LARP1B: variants seen among roughly 807,000 people sequenced by gnomAD.
LARP1B encodes La ribonucleoprotein 1B.
A neutral mutation model predicts 114.2 loss-of-function variants in LARP1B; 76 were observed. The observed-to-expected ratio is 0.67, with a 90% CI of 0.55 to 0.81. The LOEUF is 0.81. Ranked by LOEUF, LARP1B falls within the 30% of genes least tolerant of loss-of-function variation. The pLI, the probability that LARP1B is intolerant of heterozygous loss-of-function variation, is 0.00. For missense variants in LARP1B, 1,014 were observed against 1,075.8 expected (o/e 0.94, Z 0.80); for synonymous variants, 345 against 348.0 (o/e 0.99, Z 0.10).
At chr4:128,199,305 T>C (rs1221003279) in intron 15 of LARP1B, 134 bp from the exon 16 acceptor site, 2 of 514,312 alleles carry the variant, frequency 3.9e-6, no homozygotes, top group African/African-American at 3.9e-5. Flanking sequence ...ATGTCATTAA[T>C]TTAGGAGAGT....
chr4:128,135,242 A>G (rs1441109900), intron 11 of LARP1B, among the ~76,000 whole-genome samples: 1 of 152,292 alleles, frequency 6.6e-6, no homozygotes, highest in South Asian at 2.1e-4. Context: ...ACTGATTAGG[A>G]TGGTTACCAT....
At chr4:128,061,062 G>A (rs942762383), upstream of LARP1B, among the ~76,000 whole-genome samples, 54 of 152,080 alleles carry the variant, frequency 3.6e-4, no homozygotes, top group African/African-American at 1.3e-3. Context: ...CTCCGCCCCT[G>A]AGCCTGCAGT....
At chr4:128,176,528 A>G (rs1581312942) in intron 12 of LARP1B, among the ~76,000 whole-genome samples, 1 of 151,890 alleles carries the variant, frequency 6.6e-6, no homozygotes, top group South Asian at 2.1e-4. Flanking sequence ...TGCTGACCTC[A>G]TGTGATCTAC....
intron 1 of LARP1B, among the ~76,000 whole-genome samples, chr4:128,073,585 T>TGTTG (rs1561056685): frequency 3.7e-5 from 1 of 26,988 alleles, no homozygotes; most frequent in African/African-American, 1.3e-4. Context: ...TTTTTTTTTT[T>TGTTG]TTTTTTTTTT....
upstream of LARP1B, among the ~76,000 whole-genome samples, chr4:128,060,797 C>G (rs1490795420): frequency 6.6e-6 from 1 of 152,222 alleles, no homozygotes; most frequent in Non-Finnish European, 1.5e-5. Context: ...GCAACTTTCA[C>G]CTGGGGGAGG....
chr4:128,115,201 G>C (rs1785387530), intron 10 of LARP1B, among the ~76,000 whole-genome samples: 1 of 152,194 alleles, frequency 6.6e-6, no homozygotes, highest in Admixed American at 6.5e-5. Context: ...CTCCCAAAGT[G>C]CTGGGATTAG....
At chr4:128,162,169 A>C (rs1482828701) in intron 11 of LARP1B, 25 bp from the exon 12 acceptor site, 1 of 1,608,014 alleles carries the variant, frequency 6.2e-7, no homozygotes, top group Non-Finnish European at 8.5e-7. Flanking sequence ...CAGTTTAGTA[A>C]TTAGATTCCT....
At chr4:128,068,907 T>C in intron 1 of LARP1B, 1 of 463,798 alleles carries the variant, frequency 2.2e-6, no homozygotes, top group Non-Finnish European at 3.9e-6. Context: ...GACAAAGCAT[T>C]CATGAAGCAG....
chr4:128,179,480 C>G lies in LARP1B; in HGVS notation c.1971C>G (p.Ser657=). The part of the protein sequence containing the change: ...LECHVGWVMD[S]RDRGPGTSSV... ...GTCATGTTGGTTGGGTAATGGATTC[C>G]AGAGACCGTGGGCCAGGAACATCCT... Residue 657 remains serine (S), a synonymous_variant, in exon 15 of 20, where the codon TCC becomes TCG. Coordinates refer to ENST00000326639, the MANE Select transcript of LARP1B (RefSeq NM_018078.4). 1 of 1,609,346 alleles carries G rather than the reference C, an allele frequency of 6.2e-7. No individual in the cohort carries two copies. The highest frequency in any genetic ancestry group is 8.5e-7 in the Non-Finnish European group (1 of 1,177,444).
intron 10 of LARP1B, among the ~76,000 whole-genome samples, chr4:128,118,924 C>CTGGAGT (rs1786951938): frequency 6.6e-6 from 1 of 150,560 alleles, no homozygotes; most frequent in Admixed American, 6.7e-5. Flanking sequence ...GTTGCCCAGG[C>CTGGAGT]TGGAGTGCAA....
rs951153890 is a variant in LARP1B at position 128,210,926 on chromosome 4, A to G, written c.*873A>G. Reference sequence around the variant, plus strand: ...TGCATCTGCTATTTATACATCTGCAAGTGGGTATGTCATAAGGAGTCAGAT... The same window carrying G: ...TGCATCTGCTATTTATACATCTGCAGGTGGGTATGTCATAAGGAGTCAGAT... On this transcript the variant is annotated 3_prime_UTR_variant, in exon 20 of 20. Coordinates refer to ENST00000326639, the MANE Select transcript of LARP1B (RefSeq NM_018078.4). The G allele has an allele frequency of 2.1e-6, 2 of 959,020 alleles. No homozygotes were observed. The highest frequency in any genetic ancestry group is 3.5e-5 in the African/African-American group (2 of 56,708). The allele number at this position is 959,020 out of a possible 1,614,324, so 59.4% of individuals were successfully genotyped here.
intron 15 of LARP1B, among the ~76,000 whole-genome samples, chr4:128,186,851 C>G (rs1750542124): frequency 6.6e-6 from 1 of 152,200 alleles, no homozygotes; most frequent in Non-Finnish European, 1.5e-5. Flanking sequence ...CTGCTCCCTG[C>G]ATTCCAGCTG....
At chr4:128,107,339 C>T (rs372893851) in intron 9 of LARP1B, 26 bp downstream of exon 9, 121 of 1,611,360 alleles carry the variant, frequency 7.5e-5, no homozygotes, top group Non-Finnish European at 9.8e-5. Flanking sequence ...CTAGAGCAAA[C>T]GATGTAACAG....
At chr4:128,157,117 C>T (rs1453432217) in intron 11 of LARP1B, among the ~76,000 whole-genome samples, 1 of 151,906 alleles carries the variant, frequency 6.6e-6, no homozygotes, top group East Asian at 1.9e-4. Context: ...AGTTATCAAG[C>T]AGACTTTGTT....
At chr4:128,129,164 CAAAAAAAAAAAAAAAAAAAAAAAAAAAA>C (rs559312234) in intron 11 of LARP1B, among the ~76,000 whole-genome samples, 4 of 49,152 alleles carry the variant, frequency 8.1e-5, no homozygotes, top group Non-Finnish European at 1.4e-4. Flanking sequence ...GACTCTGTCT[CAAAAAAAAAAAAAAAAAAAAAAAAAAAA>C]AAAAAAAAAA....
At chr4:128,188,076 ATT>A (rs111868788) in intron 15 of LARP1B, among the ~76,000 whole-genome samples, 14 of 142,056 alleles carry the variant, frequency 9.9e-5, no homozygotes, top group Admixed American at 1.4e-4. Flanking sequence ...AGTCTCGGGT[ATT>A]TTTTTTTTTT....
At chr4:128,183,553 C>G (rs1749294438) in intron 15 of LARP1B, among the ~76,000 whole-genome samples, 1 of 152,118 alleles carries the variant, frequency 6.6e-6, no homozygotes, top group African/African-American at 2.4e-5. Context: ...ACGTCATCAC[C>G]CAAGAATGCT....
At chr4:128,086,809 C>CT (rs1198058733) in intron 5 of LARP1B, among the ~76,000 whole-genome samples, 44 of 150,352 alleles carry the variant, frequency 2.9e-4, no homozygotes, top group Admixed American at 1.5e-3. Flanking sequence ...TTCCATTAGT[C>CT]TTTTTTTTTG....
At chr4:128,198,282 C>T (rs1048014717) in intron 15 of LARP1B, among the ~76,000 whole-genome samples, 1 of 152,128 alleles carries the variant, frequency 6.6e-6, no homozygotes, top group Non-Finnish European at 1.5e-5. Context: ...ACCATCTTAA[C>T]AGTTCTTAAG....
Sources: gnomAD v4.1 joint callset for allele counts (sites outside exome capture counted in the v4.1 genomes callset) on GRCh38, gnomAD v4.1.1 for gene constraint, MANE v1.5 for transcripts, NCBI Gene and HGNC (gene_info 2026-07-23, HGNC 2026-07-21) for gene names.